The following JADE1 variants were observed in gnomAD, a reference collection of about 807,000 sequenced individuals.
The protein encoded by JADE1 is protein Jade-1.
Under a neutral mutation model 81.8 loss-of-function variants are expected in JADE1, and 14 were observed. The ratio of observed to expected loss-of-function variants is 0.17; its 90% CI spans 0.11 to 0.27. The LOEUF (loss-of-function observed/expected upper bound fraction) is 0.27. JADE1 is among the 10% of genes least tolerant of loss of function. The probability of loss-of-function intolerance (pLI) is 1.00; values close to 1 mark genes in which losing one functional copy is unlikely to be tolerated. For missense variants in JADE1, 690 were observed against 1,047.9 expected, an observed-to-expected ratio of 0.66 and a Z score of 4.71; for synonymous variants, 353 against 391.9, an observed-to-expected ratio of 0.90 and a Z score of 1.17.
chr4:128,863,856 G>C, intron 9 of JADE1: 1 of 985,446 alleles, frequency 1.0e-6, no homozygotes, highest in Non-Finnish European at 1.2e-6. Flanking sequence ...GGGAGGGGGA[G>C]GACAAGAAGT....
In JADE1 at chr4:128,872,684, A is replaced by G. The variant is rs1368766136; in HGVS notation, c.*422A>G. Reference sequence around the variant, plus strand: ...CTCATGGTACCATTCACAGCCCATAAAGTTTATTTTCTAGGACTGTGGTAG... The same window carrying G: ...CTCATGGTACCATTCACAGCCCATAGAGTTTATTTTCTAGGACTGTGGTAG... On this transcript the variant is annotated 3_prime_UTR_variant, in exon 11 of 11. Transcript: ENST00000226319. 6 of 274,084 alleles carry G rather than the reference A, an allele frequency of 2.2e-5. No homozygotes were observed. Among genetic ancestry groups the G allele is most frequent in the Non-Finnish European group, 3.7e-5 (5 of 134,606 alleles). 17.0% of individuals were successfully genotyped at this position (274,084 alleles called of 1,614,324 possible). A position where few individuals can be genotyped will look rare whatever the true frequency, so the allele number is the denominator to read the frequency against.
intron 9 of JADE1, chr4:128,864,144 T>C: frequency 1.0e-6 from 1 of 975,848 alleles, no homozygotes; most frequent in Non-Finnish European, 1.2e-6. Flanking sequence ...AGAATTTGTA[T>C]TCAGTTTATT....
chr4:128,872,365 A>C lies in JADE1; in HGVS notation c.*103A>C. The C allele has an allele frequency of 1.1e-6, 1 of 938,710 alleles. No homozygotes were observed. Among genetic ancestry groups the C allele is most frequent in the East Asian group, 2.5e-5 (1 of 39,852 alleles). 58.1% of individuals were successfully genotyped at this position (938,710 alleles called of 1,614,324 possible). A position where few individuals can be genotyped will look rare whatever the true frequency, so the allele number is the denominator to read the frequency against. The stretch of plus-strand genomic sequence containing the variant: ...CAGAAACCCATTAATCCTGAGCTAC[A>C]CAAACACATTTACTTGCAATTCAGA... On this transcript the variant is annotated 3_prime_UTR_variant, in exon 11 of 11. Coordinates refer to ENST00000226319, the MANE Select transcript of JADE1 (RefSeq NM_199320.4).
chr4:128,815,120 G>GCTTCCTGTAAGCTCCGC (rs1726888775), intron 1 of JADE1, among the ~76,000 whole-genome samples: 4 of 112,496 alleles, frequency 3.6e-5, no homozygotes, highest in Non-Finnish European at 7.4e-5. Flanking sequence ...TGCGATCTCG[G>GCTTCCTGTAAGCTCCGC]CTCCCTGTAA....
intron 9 of JADE1, chr4:128,864,527 A>G: frequency 1.0e-6 from 1 of 985,386 alleles, no homozygotes; most frequent in Non-Finnish European, 1.2e-6. Flanking sequence ...AAGGCATTAA[A>G]CAATTGAAAT....
chr4:128,864,685 A>G (rs1258264209), intron 9 of JADE1: 1 of 800,200 alleles, frequency 1.2e-6, no homozygotes, highest in Non-Finnish European at 1.5e-6. Flanking sequence ...ATATCAGTTT[A>G]TAGCAGATCC....
At chr4:128,867,455 A>T (rs1731865853) in intron 9 of JADE1, among the ~76,000 whole-genome samples, 1 of 152,236 alleles carries the variant, frequency 6.6e-6, no homozygotes, top group South Asian at 2.1e-4. Flanking sequence ...GCCATTGGCC[A>T]TCCAAGTAAT....
rs72683612 is a variant in JADE1 at position 128,837,642 on chromosome 4, A to G, written c.53-5311A>G. ...TAACACAGCATTGCTTTAGTCTAGT[A>G]CAAGGCTAGCTTGGCTTTTAAGTAA... is the stretch of plus-strand genomic sequence containing the variant. On this transcript the variant is annotated intron_variant, in intron 2 of 10. Transcript: ENST00000226319. Among the ~76,000 whole-genome samples, 901 of 152,346 alleles carry G rather than the reference A, an allele frequency of 5.9e-3. 10 individuals are homozygous for G. The highest frequency in any genetic ancestry group is 9.4e-3 in the Non-Finnish European group (639 of 68,032).
chr4:128,874,627 G>GAGTT lies in JADE1; in HGVS notation c.*2370_*2373dup, dbSNP rs1166083322. ...TCTGACAGTATAATGATAGCTTTGT[G>GAGTT]AGTTAGTTTCATGTCATGCTGGGAA... is the stretch of plus-strand genomic sequence containing the variant. On this transcript the variant is annotated 3_prime_UTR_variant, in exon 11 of 11. Transcript: ENST00000226319. The GAGTT allele has an allele frequency of 6.6e-6, 1 of 152,598 alleles. No homozygotes were observed. The highest frequency in any genetic ancestry group is 1.5e-5 in the Non-Finnish European group (1 of 68,032). 9.5% of individuals were successfully genotyped at this position (152,598 alleles called of 1,614,324 possible). A position where few individuals can be genotyped will look rare whatever the true frequency, so the allele number is the denominator to read the frequency against.
At chr4:128,861,075 G>A (rs528091830) in intron 8 of JADE1, among the ~76,000 whole-genome samples, 1 of 152,276 alleles carries the variant, frequency 6.6e-6, no homozygotes, top group South Asian at 2.1e-4. Context: ...TCCTGGCTGG[G>A]GAGTCAGGAT....
intron 7 of JADE1, among the ~76,000 whole-genome samples, chr4:128,856,210 G>T (rs146440955): frequency 1.3e-5 from 2 of 152,306 alleles, no homozygotes; most frequent in South Asian, 4.1e-4. Flanking sequence ...TAAATAGGCA[G>T]CATTGCAGCT....
chr4:128,828,176 T>C (rs1728231495), intron 1 of JADE1, among the ~76,000 whole-genome samples: 2 of 152,228 alleles, frequency 1.3e-5, no homozygotes, highest in Non-Finnish European at 2.9e-5. Context: ...CAAATGTTTG[T>C]CGGCTGCATT....
Position 128,872,988 on chromosome 4 carries a change from A to G in JADE1, c.*726A>G, listed in dbSNP as rs1732303616. The G allele has an allele frequency of 2.2e-6, 1 of 450,440 alleles. No individual in the cohort carries two copies. The highest frequency in any genetic ancestry group is 1.6e-5 in the South Asian group (1 of 64,072). 27.9% of individuals were successfully genotyped at this position (450,440 alleles called of 1,614,324 possible). ...TGGTGGAGAGTGAGACTGTTAGGAA[A>G]GTTGTATCTATGAATAAGGGCAGTT... On this transcript the variant is annotated 3_prime_UTR_variant, in exon 11 of 11. Transcript: ENST00000226319.
At chr4:128,868,760 T>G (rs1303631446) in intron 10 of JADE1, among the ~76,000 whole-genome samples, 1 of 152,126 alleles carries the variant, frequency 6.6e-6, no homozygotes, top group East Asian at 1.9e-4. Context: ...GTAGGTAGTA[T>G]AAGGATTTCA....
rs2125876213 is a variant in JADE1, at chr4:128,855,696, C to G, written c.763C>G (p.Gln255Glu). The change falls in exon 7 of 11, where the codon CAG becomes GAG. Residue 255 changes from glutamine to glutamate, a missense_variant. Gln to Glu is a conservative substitution (Grantham distance 29, BLOSUM62 2). Around this residue, in one of 8 missense-constraint regions of JADE1, gnomAD observed 84 missense variants for 226.6 expected, o/e 0.37. Coordinates refer to ENST00000226319, the MANE Select transcript of JADE1 (RefSeq NM_199320.4). ...GTGCCGGACATGTGCCCTGGGGGTT[C>G]AGCCAAAATGTCTGCTGTGTCCGAA... ...WLCRTCALGVQPKCLLCPKKG... is the reference protein window; with the variant it reads ...WLCRTCALGVEPKCLLCPKKG... 2 of 1,614,158 alleles carry G rather than the reference C, an allele frequency of 1.2e-6. No homozygotes were observed. The highest frequency in any genetic ancestry group is 2.2e-5 in the East Asian group (1 of 44,866).
Position 128,874,403 on chromosome 4 carries a change from A to G in JADE1, c.*2141A>G, listed in dbSNP as rs1732417367. 6.6e-6 allele frequency: 1 copy of G among 152,616 alleles called. No homozygotes were observed. 9.5% of individuals were successfully genotyped at this position (152,616 alleles called of 1,614,324 possible). On this transcript the variant is annotated 3_prime_UTR_variant, in exon 11 of 11. Transcript: ENST00000226319. ...TTAGGAATGCTAGTTTTGTGCAAAA[A>G]TAATGCCTTACCTGTTTTTTCCCCA... is the stretch of plus-strand genomic sequence containing the variant.
intron 1 of JADE1, among the ~76,000 whole-genome samples, chr4:128,820,971 A>C (rs1351340108): frequency 6.6e-6 from 1 of 152,214 alleles, no homozygotes; most frequent in East Asian, 1.9e-4. Context: ...CAAGGATGGA[A>C]TAATGGGTTG....
At chr4:128,863,351 G>A (rs542952406) in intron 9 of JADE1, 18 of 985,536 alleles carry the variant, frequency 1.8e-5, no homozygotes, top group Middle Eastern at 5.2e-4. Flanking sequence ...AGAGGTGGGA[G>A]TGAGGTTTTC....
At chr4:128,817,197 G>C (rs1467823746) in intron 1 of JADE1, among the ~76,000 whole-genome samples, 1 of 151,958 alleles carries the variant, frequency 6.6e-6, no homozygotes, top group Non-Finnish European at 1.5e-5. Flanking sequence ...ATTGACATCT[G>C]TCTCTTTGTA....
Sources: allele counts gnomAD v4.1 joint callset (sites outside exome capture counted in the v4.1 genomes callset), GRCh38; gene constraint gnomAD v4.1.1; regional missense constraint gnomAD v4.1.1; transcripts MANE v1.5; gene names NCBI Gene and HGNC (gene_info 2026-07-23, HGNC 2026-07-21).